The following TLR6 variants were observed in gnomAD, a reference collection of about 807,000 sequenced individuals.
The protein encoded by TLR6 is toll-like receptor 6.
In TLR6, 9 loss-of-function variants were observed where a neutral mutation model predicts 16.1. That is an observed-to-expected ratio of 0.56 (90% CI 0.34 to 0.98). TLR6 has a LOEUF of 0.98. Among genes scored for constraint, TLR6 ranks in the 50% least tolerant of loss-of-function variants. TLR6 has a pLI of 0.02. For missense variants in TLR6, 786 were observed against 921.0 expected, an observed-to-expected ratio of 0.85 and a Z score of 1.90; for synonymous variants, 340 against 338.6, an observed-to-expected ratio of 1.00 and a Z score of -0.04.
exon 2 of TLR6, chr4:38,828,064 T>A (rs895180240): frequency 3.7e-6 from 6 of 1,614,144 alleles, no homozygotes; most frequent in Admixed American, 3.3e-5. Flanking sequence ...CTTCCAGTTT[T>A]ACGACTTGTT....
chr4:38,844,974 G>T (rs11940895), intron 1 of TLR6, among the ~76,000 whole-genome samples: 1 of 152,106 alleles, frequency 6.6e-6, no homozygotes, highest in African/African-American at 2.4e-5. Flanking sequence ...CAAGAGAATC[G>T]TTCGAACCTG....
intron 1 of TLR6, among the ~76,000 whole-genome samples, chr4:38,852,361 A>G (rs113668069): frequency 0.21 from 32,608 of 152,130 alleles, 4,211 homozygotes; most frequent in Non-Finnish European, 0.28. Flanking sequence ...AATGGCAACA[A>G]AAGACAAAAT....
intron 1 of TLR6, among the ~76,000 whole-genome samples, chr4:38,839,505 G>A (rs1483196263): frequency 6.6e-6 from 1 of 152,094 alleles, no homozygotes; most frequent in Non-Finnish European, 1.5e-5. Flanking sequence ...AAGCAGGCAA[G>A]AAGCCAGTCC....
intron 1 of TLR6, among the ~76,000 whole-genome samples, chr4:38,834,688 C>A (rs12509541): frequency 6.6e-6 from 1 of 152,286 alleles, no homozygotes. Context: ...CCCCATCAGA[C>A]TAACAGATTT....
At chr4:38,833,059 C>T (rs963366607) in intron 1 of TLR6, among the ~76,000 whole-genome samples, 2 of 152,140 alleles carry the variant, frequency 1.3e-5, no homozygotes, top group Non-Finnish European at 2.9e-5. Flanking sequence ...GCATGCCACA[C>T]GGGGTCCTGA....
At chr4:38,846,199 G>A (rs1273642218) in intron 1 of TLR6, among the ~76,000 whole-genome samples, 1 of 151,940 alleles carries the variant, frequency 6.6e-6, no homozygotes, top group African/African-American at 2.4e-5. Context: ...TCACAAGAAG[G>A]CTTAAACACA....
intron 1 of TLR6, among the ~76,000 whole-genome samples, chr4:38,833,037 G>T (rs1711702059): frequency 6.6e-6 from 1 of 151,934 alleles, no homozygotes; most frequent in African/African-American, 2.4e-5. Context: ...TGCCACACAG[G>T]GTGTGGCACA....
At chr4:38,853,646 G>T (rs906262862) in intron 1 of TLR6, among the ~76,000 whole-genome samples, 1 of 152,014 alleles carries the variant, frequency 6.6e-6, no homozygotes, top group Non-Finnish European at 1.5e-5. Flanking sequence ...ACAGGGTTTT[G>T]TCCCACTGCC....
chr4:38,838,827 T>C (rs1457431892), intron 1 of TLR6, among the ~76,000 whole-genome samples: 1 of 150,818 alleles, frequency 6.6e-6, no homozygotes, highest in African/African-American at 2.4e-5. Context: ...GGTATGTATG[T>C]GTCAAATATT....
rs372338548 is a variant in TLR6 at position 38,827,600 on chromosome 4, C to T, written c.1874G>A (p.Arg625Gln). The T allele has an allele frequency of 3.7e-5, 60 of 1,614,036 alleles. No homozygotes were observed. The Middle Eastern group carries it at 4.9e-4, about 13-fold the overall frequency. ...TAAGGGTATGTTCCTGGCCCTGCGC[C>T]GAGTCTGGGTCCACTGGCACACCAT... The change falls in exon 2 of 2, where the codon CGG becomes CAG. Residue 625 changes from arginine (R) to glutamine (Q), a missense_variant. Coordinates refer to ENST00000436693, the Ensembl canonical transcript of TLR6.
intron 1 of TLR6, among the ~76,000 whole-genome samples, chr4:38,845,547 C>T (rs963054971): frequency 1.3e-5 from 2 of 152,178 alleles, no homozygotes; most frequent in African/African-American, 2.4e-5. Flanking sequence ...CTTGGCCCAT[C>T]CTTGCTGGCC....
At chr4:38,823,030 A>C (rs1727391102), downstream of TLR6, among the ~76,000 whole-genome samples, 1 of 152,118 alleles carries the variant, frequency 6.6e-6, no homozygotes, top group South Asian at 2.1e-4. Context: ...TGTGCAGGGA[A>C]ACTCCCCCTT....
intron 1 of TLR6, among the ~76,000 whole-genome samples, chr4:38,846,110 A>C (rs1005089861): frequency 6.6e-6 from 1 of 151,536 alleles, no homozygotes; most frequent in African/African-American, 2.4e-5. Context: ...AAAAAAAAGA[A>C]AAGAAAAGAA....
chr4:38,842,118 C>G (rs1214249862), intron 1 of TLR6, among the ~76,000 whole-genome samples: 1 of 152,036 alleles, frequency 6.6e-6, no homozygotes, highest in Admixed American at 6.6e-5. Context: ...TGATCCCCAA[C>G]CCAATTTGGG....
At chr4:38,827,556 G>C in exon 2 of TLR6, 2 of 1,614,212 alleles carry the variant, frequency 1.2e-6, no homozygotes, top group South Asian at 1.1e-5. Context: ...TGAAACTGGA[G>C]GTTTCTTTGG....
intron 1 of TLR6, among the ~76,000 whole-genome samples, chr4:38,845,014 G>T (rs941795635): frequency 2.0e-5 from 3 of 152,224 alleles, no homozygotes; most frequent in Non-Finnish European, 4.4e-5. Context: ...AGCTAAGATT[G>T]TGCCACTGCA....
intron 1 of TLR6, among the ~76,000 whole-genome samples, chr4:38,855,176 C>T (rs1283225492): frequency 8.1e-5 from 12 of 147,616 alleles, no homozygotes; most frequent in Non-Finnish European, 1.2e-4. Flanking sequence ...CGTGCCGCTG[C>T]ACTCCAGCCT....
At chr4:38,840,766 G>A (rs1032661495) in intron 1 of TLR6, among the ~76,000 whole-genome samples, 14 of 152,108 alleles carry the variant, frequency 9.2e-5, no homozygotes, top group African/African-American at 2.2e-4. Context: ...ACAGAAGCAC[G>A]GCACTGAAGA....
At chr4:38,843,452 T>C (rs1274399486) in intron 1 of TLR6, among the ~76,000 whole-genome samples, 1 of 152,182 alleles carries the variant, frequency 6.6e-6, no homozygotes, top group East Asian at 1.9e-4. Context: ...ATACTGGAAA[T>C]AGTAAAACAG....
Sources: allele counts gnomAD v4.1 joint callset (sites outside exome capture counted in the v4.1 genomes callset), GRCh38; gene constraint gnomAD v4.1.1; transcripts MANE v1.5; gene names NCBI Gene and HGNC (gene_info 2026-07-23, HGNC 2026-07-21).